Variants in SH3RF3 observed in about 807,000 individuals in gnomAD.
SH3RF3 encodes the protein SH3 domain containing ring finger 3, also known as E3 ubiquitin-protein ligase SH3RF3.
Under a neutral mutation model 66.3 loss-of-function variants are expected in SH3RF3, and 29 were observed. That is an observed-to-expected ratio of 0.44 (90% CI 0.33 to 0.60). The LOEUF (loss-of-function observed/expected upper bound fraction) is 0.60. Among genes scored for constraint, SH3RF3 ranks in the 20% least tolerant of loss-of-function variants. The pLI is 0.04. For synonymous variants in SH3RF3, 583 were observed against 532.0 expected (o/e 1.10, Z -1.32); for missense variants, 1,194 against 1,190.9 (o/e 1.00, Z -0.04).
chr2:109,258,654 C>T (rs539871443), intron 1 of SH3RF3, among the ~76,000 whole-genome samples: 1 of 152,224 alleles, frequency 6.6e-6, no homozygotes, highest in Non-Finnish European at 1.5e-5. Context: ...AGCAGGTCAC[C>T]GGTACCTCTA....
chr2:109,475,256 C>T (rs1355795352), intron 8 of SH3RF3, among the ~76,000 whole-genome samples: 11 of 152,140 alleles, frequency 7.2e-5, no homozygotes, highest in Admixed American at 5.9e-4. Context: ...GGATTACAGG[C>T]GTGAGCCACC....
intron 1 of SH3RF3, among the ~76,000 whole-genome samples, chr2:109,160,446 A>C (rs1677462762): frequency 6.6e-6 from 1 of 152,260 alleles, no homozygotes; most frequent in South Asian, 2.1e-4. Context: ...GCTTTCCAGC[A>C]ACAGGGTGGA....
At chr2:109,373,273 A>T (rs1043168474) in intron 3 of SH3RF3, among the ~76,000 whole-genome samples, 1 of 152,270 alleles carries the variant, frequency 6.6e-6, no homozygotes, top group South Asian at 2.1e-4. Flanking sequence ...TCCAGAAGTC[A>T]GAAATCTGAG....
chr2:109,493,781 C>G (rs1679188619), intron 9 of SH3RF3, among the ~76,000 whole-genome samples: 1 of 152,104 alleles, frequency 6.6e-6, no homozygotes, highest in Admixed American at 6.6e-5. Flanking sequence ...TGCACACACA[C>G]CAGGCAAACA....
At position 109,386,270 on chromosome 2, in the gene SH3RF3, C is replaced by T. The variant is rs568926431; in HGVS notation, c.946-12320C>T. On this transcript the variant is annotated intron_variant, in intron 3 of 9. Coordinates refer to ENST00000309415, the MANE Select transcript of SH3RF3 (RefSeq NM_001099289.3). ...GGATGGCCTAGCCCCTGTGGATCTC[C>T]CTATCCGTTAGAGACGCATATGGAG... Among the ~76,000 whole-genome samples the T allele has an allele frequency of 1.1e-4, 16 of 152,352 alleles. No individual in the cohort carries two copies. In the South Asian group the frequency reaches 2.5e-3, roughly 24 times the overall value.
chr2:109,225,168 T>G (rs1679343859), intron 1 of SH3RF3, among the ~76,000 whole-genome samples: 1 of 152,218 alleles, frequency 6.6e-6, no homozygotes. Flanking sequence ...TGAGGTTCTA[T>G]GGCTTCTGCT....
At chr2:109,253,610 T>G (rs1363409837) in intron 1 of SH3RF3, among the ~76,000 whole-genome samples, 1 of 152,186 alleles carries the variant, frequency 6.6e-6, no homozygotes, top group Non-Finnish European at 1.5e-5. Context: ...TAACAGTCTT[T>G]CGGTTTAGCC....
intron 9 of SH3RF3, among the ~76,000 whole-genome samples, chr2:109,496,124 G>C (rs1679254701): frequency 6.6e-6 from 1 of 152,198 alleles, no homozygotes; most frequent in Non-Finnish European, 1.5e-5. Flanking sequence ...TGTCCTATCA[G>C]AACGCCCTTT....
At chr2:109,260,584 G>C (rs1308109722) in intron 1 of SH3RF3, among the ~76,000 whole-genome samples, 1 of 152,226 alleles carries the variant, frequency 6.6e-6, no homozygotes, top group Non-Finnish European at 1.5e-5. Flanking sequence ...TCCCGATCTT[G>C]TATGTGGAGT....
intron 5 of SH3RF3, among the ~76,000 whole-genome samples, chr2:109,429,035 C>T (rs975746793): frequency 1.3e-5 from 2 of 152,186 alleles, no homozygotes; most frequent in South Asian, 2.1e-4. Context: ...AACTCACAGA[C>T]GTTGGTGAGA....
chr2:109,202,515 C>G (rs1160927889), intron 1 of SH3RF3, among the ~76,000 whole-genome samples: 1 of 152,232 alleles, frequency 6.6e-6, no homozygotes, highest in Non-Finnish European at 1.5e-5. Flanking sequence ...GTCTGGGTAG[C>G]TGGTGGGTGG....
intron 8 of SH3RF3, among the ~76,000 whole-genome samples, chr2:109,480,413 G>C (rs1163871202): frequency 6.6e-6 from 1 of 152,186 alleles, no homozygotes; most frequent in African/African-American, 2.4e-5. Context: ...AGTGAAGCCA[G>C]CTAAGATGGC....
chr2:109,188,128 T>C (rs1191347707), intron 1 of SH3RF3, among the ~76,000 whole-genome samples: 2 of 152,226 alleles, frequency 1.3e-5, no homozygotes, highest in Non-Finnish European at 2.9e-5. Context: ...CTAATGAGCA[T>C]GGGAAACAAA....
Position 109,398,811 on chromosome 2 carries a change from C to T in SH3RF3, c.1167C>T (p.His389=). ...RHSFTALSVT[H]RSSQAASHRH... ...CCTTCACCGCGCTCAGTGTGACGCA[C>T]AGATCCTCCCAGGCTGCCAGCCACA... is the stretch of plus-strand genomic sequence containing the variant. The change falls in exon 4 of 10, where the codon CAC becomes CAT. Residue 389 remains histidine (H), a synonymous_variant. Transcript: ENST00000309415. 1 of 1,613,870 alleles carries T rather than the reference C, an allele frequency of 6.2e-7. No homozygotes were observed. The highest frequency in any genetic ancestry group is 2.2e-5 in the East Asian group (1 of 44,870).
intron 7 of SH3RF3, 81 bp from the exon 8 acceptor site, chr2:109,449,089 G>C: frequency 1.3e-6 from 2 of 1,484,080 alleles, no homozygotes; most frequent in Non-Finnish European, 1.8e-6. Context: ...GGGAGCCTGA[G>C]TGTGCATTGC....
intron 1 of SH3RF3, among the ~76,000 whole-genome samples, chr2:109,199,593 GGA>G (rs1678604440): frequency 6.1e-3 from 2 of 330 alleles, no homozygotes; most frequent in Non-Finnish European, 0.012. Flanking sequence ...GGAATGGAAT[GGA>G]ATGGAATGGA....
At chr2:109,142,793 A>G (rs892242698) in intron 1 of SH3RF3, among the ~76,000 whole-genome samples, 1 of 152,246 alleles carries the variant, frequency 6.6e-6, no homozygotes, top group Non-Finnish European at 1.5e-5. Context: ...TGGAAGTGCT[A>G]TAGGCTTGTC....
In SH3RF3 at chr2:109,129,535, T is replaced by C; in HGVS notation, c.-6T>C. On this transcript the variant is annotated 5_prime_UTR_variant, in exon 1 of 10. Transcript: ENST00000309415. ...GCCGCGCGAGACCGCTGCGGGCGCC[T>C]CCCCCATGCTGCTCGGAGCGTCCTG... is the stretch of plus-strand genomic sequence containing the variant. 2 of 1,495,316 alleles carry C rather than the reference T, an allele frequency of 1.3e-6. No homozygotes were observed. The highest frequency in any genetic ancestry group is 5.6e-5 in the East Asian group (2 of 35,776). The allele number at this position is 1,495,316 out of a possible 1,614,324, so 92.6% of individuals were successfully genotyped here.
chr2:109,400,653 G>A (rs1467757073), intron 4 of SH3RF3, among the ~76,000 whole-genome samples: 2 of 151,728 alleles, frequency 1.3e-5, no homozygotes, highest in African/African-American at 2.4e-5. Context: ...CACACATGTA[G>A]ACATTTATAC....
Sources: allele counts gnomAD v4.1 joint callset (sites outside exome capture counted in the v4.1 genomes callset), GRCh38; gene constraint gnomAD v4.1.1; transcripts MANE v1.5; gene names NCBI Gene and HGNC (gene_info 2026-07-23, HGNC 2026-07-21).